Variants in GFPT2 observed in about 807,000 individuals in gnomAD.
GFPT2 encodes the protein glutamine--fructose-6-phosphate aminotransferase [isomerizing] 2.
In GFPT2, 62 loss-of-function variants were observed where a neutral mutation model predicts 85.6. That is an observed-to-expected ratio of 0.72 (90% CI 0.59 to 0.90). The LOEUF (loss-of-function observed/expected upper bound fraction) is 0.90. Among genes scored for constraint, GFPT2 ranks in the 40% least tolerant of loss-of-function variants. The pLI is 0.00. For missense variants in GFPT2, 788 were observed against 893.4 expected, an observed-to-expected ratio of 0.88 and a Z score of 1.50; for synonymous variants, 368 against 344.5, an observed-to-expected ratio of 1.07 and a Z score of -0.75.
intron 7 of GFPT2, among the ~76,000 whole-genome samples, chr5:180,327,757 A>C (rs1764235043): frequency 6.6e-6 from 1 of 152,140 alleles, no homozygotes; most frequent in African/African-American, 2.4e-5. Context: ...CTGGGGGCCC[A>C]CCGTAACAGA....
chr5:180,319,803 C>T (rs897392252), intron 9 of GFPT2, among the ~76,000 whole-genome samples: 2 of 152,160 alleles, frequency 1.3e-5, no homozygotes, highest in Admixed American at 6.5e-5. Context: ...TAAACTCCAG[C>T]GTACAGGAAA....
At chr5:180,311,677 T>C (rs545763238) in intron 15 of GFPT2, among the ~76,000 whole-genome samples, 7 of 152,026 alleles carry the variant, frequency 4.6e-5, no homozygotes, top group African/African-American at 1.7e-4. Context: ...GGAGCCGACA[T>C]GTTAGTTGGG....
rs59738929 is a variant in GFPT2, at chr5:180,301,328, C to G, written c.*236G>C. 4,208 of 590,086 alleles carry G rather than the reference C, an allele frequency of 7.1e-3. 132 individuals carry two copies. The highest frequency in any genetic ancestry group is 0.071 in the African/African-American group (3,840 of 53,864). 36.6% of individuals were successfully genotyped at this position (590,086 alleles called of 1,614,324 possible). Reference sequence around the variant, plus strand: ...TTGCACAGTAGTGGAGAAGTCTGCTCTGATCCCCATGTGTAAACAATGATT... The same window carrying G: ...TTGCACAGTAGTGGAGAAGTCTGCTGTGATCCCCATGTGTAAACAATGATT... On this transcript the variant is annotated 3_prime_UTR_variant, in exon 19 of 19. Transcript: ENST00000253778.
In GFPT2 at chr5:180,353,328, G is replaced by C. The variant is rs4572964; in HGVS notation, c.-111C>G. ...TCCGTGGGCTCCGTGGGCTCCGCGG[G>C]CTCCAGCTCCCGTCCGCTCGGCCTC... is the stretch of plus-strand genomic sequence containing the variant. On this transcript the variant is annotated 5_prime_UTR_variant, in exon 1 of 19. Transcript: ENST00000253778. The C allele has an allele frequency of 3.7e-6, 3 of 812,038 alleles. No homozygotes were observed. The highest frequency in any genetic ancestry group is 2.2e-5 in the African/African-American group (1 of 46,010). 50.3% of individuals were successfully genotyped at this position (812,038 alleles called of 1,614,324 possible).
In GFPT2 at chr5:180,318,959, G is replaced by C. The variant is rs770963072; in HGVS notation, c.795-3C>G. The C allele has an allele frequency of 6.2e-7, 1 of 1,611,498 alleles. No individual in the cohort carries two copies. The highest frequency in any genetic ancestry group is 1.7e-5 in the Admixed American group (1 of 59,996). ...GGTTGGTGTGCTCTATGATAGCGCT[G>C]GGGCAAGGGAAACAGGCATCATCAG... On this transcript the variant is annotated splice_polypyrimidine_tract_variant and splice_region_variant and intron_variant, in intron 9 of 18. Coordinates refer to ENST00000253778, the MANE Select transcript of GFPT2 (RefSeq NM_005110.4). The surrounding 1 kb of genome is among the most constrained non-coding windows in gnomAD (Gnocchi z 4.2).
In GFPT2 at chr5:180,353,299, G is replaced by C. The variant is rs1251059997; in HGVS notation, c.-82C>G. The C allele has an allele frequency of 1.3e-4, 34 of 268,312 alleles. No homozygotes were observed. The East Asian group carries it at 2.2e-3, about 18-fold the overall frequency. 16.6% of individuals were successfully genotyped at this position (268,312 alleles called of 1,614,324 possible). A position where few individuals can be genotyped will look rare whatever the true frequency, so the allele number is the denominator to read the frequency against. On this transcript the variant is annotated 5_prime_UTR_variant, in exon 1 of 19. Coordinates refer to ENST00000253778, the MANE Select transcript of GFPT2 (RefSeq NM_005110.4). ...GGGGCTCCTCCGTGGGCTCCTCCGTGGGCTCCGTGGGCTCCGTGGGCTCCG... is the reference window on the plus strand; with the variant it reads ...GGGGCTCCTCCGTGGGCTCCTCCGTCGGCTCCGTGGGCTCCGTGGGCTCCG...
In GFPT2 at chr5:180,324,836, A is replaced by T; in HGVS notation, c.656T>A (p.Ile219Asn). The part of the protein sequence containing the change: ...RSKYKLSTEQ[I>N]PILYRTCTLE... ...CTTACACGTCCTGTATAAGATAGGGATCTGTTCTGTGGAGAGCTTGTATTT... is the reference window on the plus strand; with the variant it reads ...CTTACACGTCCTGTATAAGATAGGGTTCTGTTCTGTGGAGAGCTTGTATTT... The change falls in exon 8 of 19, where the codon ATC becomes AAC. Residue 219 changes from isoleucine (I) to asparagine (N), a missense_variant. Ile to Asn is a moderately radical substitution (Grantham distance 149). Coordinates refer to ENST00000253778, the MANE Select transcript of GFPT2 (RefSeq NM_005110.4). 1 of 1,607,922 alleles carries T rather than the reference A, an allele frequency of 6.2e-7. No homozygotes were observed. The highest frequency in any genetic ancestry group is 8.5e-7 in the Non-Finnish European group (1 of 1,174,436).
intron 6 of GFPT2, among the ~76,000 whole-genome samples, chr5:180,329,786 C>T (rs1764272416): frequency 6.6e-6 from 1 of 152,248 alleles, no homozygotes; most frequent in African/African-American, 2.4e-5. Context: ...TGCTGTCTGA[C>T]AGGATGGGCT....
chr5:180,307,909 G>A (rs1186755893), intron 15 of GFPT2, among the ~76,000 whole-genome samples: 3 of 152,174 alleles, frequency 2.0e-5, no homozygotes, highest in East Asian at 1.9e-4. Flanking sequence ...TCAGGAGATC[G>A]AGACCATCCT....
At chr5:180,333,484 T>G (rs1048165464) in intron 4 of GFPT2, among the ~76,000 whole-genome samples, 5 of 152,248 alleles carry the variant, frequency 3.3e-5, no homozygotes, top group African/African-American at 1.2e-4. Context: ...TCCGCCCGCC[T>G]CGGCCTCCCA....
intron 18 of GFPT2, 97 bp from the exon 19 acceptor site, chr5:180,301,705 G>A (rs1293719021): frequency 1.9e-6 from 2 of 1,046,452 alleles, no homozygotes; most frequent in African/African-American, 3.1e-5. Flanking sequence ...ACAAGAGACA[G>A]ATGTTCACCA....
chr5:180,315,166 T>C (rs2127649387), intron 13 of GFPT2, among the ~76,000 whole-genome samples: 1 of 151,998 alleles, frequency 6.6e-6, no homozygotes, highest in South Asian at 2.1e-4. Flanking sequence ...ACCGTGGTCA[T>C]ACGTTTTTCT....
At chr5:180,329,932 T>C (rs1053958934) in intron 6 of GFPT2, among the ~76,000 whole-genome samples, 1 of 152,248 alleles carries the variant, frequency 6.6e-6, no homozygotes, top group African/African-American at 2.4e-5. Context: ...TTCTTCTCCC[T>C]GGGCCCTGTC....
At chr5:180,337,230 G>A (rs1385203740) in intron 2 of GFPT2, among the ~76,000 whole-genome samples, 1 of 152,172 alleles carries the variant, frequency 6.6e-6, no homozygotes, top group Admixed American at 6.5e-5. Flanking sequence ...CAGGGCGGGT[G>A]GATCACAAGG....
rs1360993175 is a variant in GFPT2, at chr5:180,317,683, C to T, written c.959-625G>A. Among the ~76,000 whole-genome samples the T allele has an allele frequency of 2.4e-5, 3 of 125,238 alleles. No individual in the cohort carries two copies. In the Admixed American group the frequency reaches 2.4e-4, roughly 10 times the overall value. The allele number at this position is 125,238 out of a possible 152,430, so 82.2% of individuals were successfully genotyped here. On this transcript the variant is annotated intron_variant, in intron 10 of 18. Coordinates refer to ENST00000253778, the MANE Select transcript of GFPT2 (RefSeq NM_005110.4). ...CTGAGGCAGGAGAATGGCGTGAACCCGGGAGGCGGAGCTTGCAGTGAGCCG... is the reference window on the plus strand; with the variant it reads ...CTGAGGCAGGAGAATGGCGTGAACCTGGGAGGCGGAGCTTGCAGTGAGCCG...
intron 1 of GFPT2, among the ~76,000 whole-genome samples, chr5:180,344,787 C>T (rs183541693): frequency 1.8e-4 from 28 of 152,244 alleles, no homozygotes; most frequent in Admixed American, 1.7e-3. Context: ...TCTTGCCCCT[C>T]GACAAGAGGG....
chr5:180,305,362 A>G (rs1335988838), intron 16 of GFPT2, among the ~76,000 whole-genome samples: 1 of 152,236 alleles, frequency 6.6e-6, no homozygotes, highest in East Asian at 1.9e-4. Flanking sequence ...GCATTTGCCC[A>G]TTAATAACTT....
chr5:180,311,811 G>A lies in GFPT2; in HGVS notation c.1546+619C>T, dbSNP rs2127648026. Among the ~76,000 whole-genome samples the A allele has an allele frequency of 1.3e-5, 2 of 152,258 alleles. 1 individual carries two copies. Among genetic ancestry groups the A allele is most frequent in the South Asian group, 4.1e-4 (2 of 4,824 alleles). On this transcript the variant is annotated intron_variant, in intron 15 of 18. Coordinates refer to ENST00000253778, the MANE Select transcript of GFPT2 (RefSeq NM_005110.4). ...GGGCCTCTGTGAGCATGGCCAGGGAGGGTCTCAGGAGGTGACATTTGAGCT... is the reference window on the plus strand; with the variant it reads ...GGGCCTCTGTGAGCATGGCCAGGGAAGGTCTCAGGAGGTGACATTTGAGCT...
intron 1 of GFPT2, among the ~76,000 whole-genome samples, chr5:180,339,971 G>A (rs1163508506): frequency 1.3e-5 from 2 of 152,200 alleles, no homozygotes; most frequent in African/African-American, 2.4e-5. Flanking sequence ...GCATATTCAC[G>A]GTAACTGTCC....
Sources: gnomAD v4.1 joint callset for allele counts (sites outside exome capture counted in the v4.1 genomes callset) on GRCh38, gnomAD v4.1.1 for gene constraint, Gnocchi (gnomAD v3.1) non-coding constraint, MANE v1.5 for transcripts, NCBI Gene and HGNC (gene_info 2026-07-23, HGNC 2026-07-21) for gene names.